Variants in ZHX3 observed in about 807,000 individuals in gnomAD.
ZHX3 encodes zinc fingers and homeoboxes 3, also known as zinc fingers and homeoboxes protein 3.
A neutral mutation model predicts 64.5 loss-of-function variants in ZHX3; 20 were observed. The ratio of observed to expected loss-of-function variants is 0.31; its 90% CI spans 0.22 to 0.45. The LOEUF (loss-of-function observed/expected upper bound fraction) is 0.45. Among genes scored for constraint, ZHX3 ranks in the 20% least tolerant of loss-of-function variants. The probability of loss-of-function intolerance (pLI) is 1.00; values close to 1 mark genes in which losing one functional copy is unlikely to be tolerated. For missense variants in ZHX3, 1,041 were observed against 1,195.8 expected (o/e 0.87, Z 1.91); for synonymous variants, 423 against 461.6 (o/e 0.92, Z 1.07).
chr20:41,288,573 C>T (rs1246411180), intron 1 of ZHX3, among the ~76,000 whole-genome samples: 1 of 152,164 alleles, frequency 6.6e-6, no homozygotes, highest in Non-Finnish European at 1.5e-5. Context: ...ACTGGTGGTG[C>T]ACAGGCAGAA....
At chr20:41,295,529 ACTTT>A (rs903724056) in intron 1 of ZHX3, among the ~76,000 whole-genome samples, 1 of 152,158 alleles carries the variant, frequency 6.6e-6, no homozygotes, top group Non-Finnish European at 1.5e-5. Context: ...AAAAATTTAA[ACTTT>A]CTATTTCACT....
At chr20:41,251,314 A>G (rs1174921430) in intron 2 of ZHX3, among the ~76,000 whole-genome samples, 6 of 152,168 alleles carry the variant, frequency 3.9e-5, no homozygotes, top group Admixed American at 6.5e-5. Flanking sequence ...GGGAAGGTAA[A>G]GGGACCTGAA....
chr20:41,205,460 C>T (rs145457145), intron 2 of ZHX3, among the ~76,000 whole-genome samples: 5 of 150,798 alleles, frequency 3.3e-5, no homozygotes, highest in African/African-American at 4.9e-5. Context: ...GACCAACACG[C>T]GGTTTTCTTT....
chr20:41,264,308 G>A (rs1468781414), intron 2 of ZHX3, among the ~76,000 whole-genome samples: 5 of 148,506 alleles, frequency 3.4e-5, no homozygotes, highest in African/African-American at 7.5e-5. Flanking sequence ...GTGGGAGGCC[G>A]AGGCGGGTGG....
At chr20:41,244,096 A>G (rs1341225836) in intron 2 of ZHX3, among the ~76,000 whole-genome samples, 5 of 152,036 alleles carry the variant, frequency 3.3e-5, no homozygotes, top group African/African-American at 1.2e-4. Flanking sequence ...AACATCCCTG[A>G]CTAGATGCCC....
intron 2 of ZHX3, among the ~76,000 whole-genome samples, chr20:41,237,343 A>G (rs1246255185): frequency 2.6e-5 from 4 of 152,218 alleles, no homozygotes; most frequent in East Asian, 1.9e-4. Flanking sequence ...ATTCACAATA[A>G]CAAAGACTTG....
chr20:41,239,231 G>T (rs973258901), intron 2 of ZHX3, among the ~76,000 whole-genome samples: 1 of 151,100 alleles, frequency 6.6e-6, no homozygotes, highest in East Asian at 1.9e-4. Context: ...GGATGCTCTC[G>T]GTCTCCTGAC....
At chr20:41,313,297 A>G (rs955983062) in intron 1 of ZHX3, among the ~76,000 whole-genome samples, 1 of 152,152 alleles carries the variant, frequency 6.6e-6, no homozygotes, top group Non-Finnish European at 1.5e-5. Flanking sequence ...GGAAGGTGGT[A>G]GCTAAAACTG....
intron 2 of ZHX3, among the ~76,000 whole-genome samples, chr20:41,215,423 C>T (rs945172789): frequency 3.3e-5 from 5 of 151,988 alleles, no homozygotes; most frequent in African/African-American, 9.7e-5. Context: ...CTGCAGTATA[C>T]ATATGTGAGT....
intron 1 of ZHX3, among the ~76,000 whole-genome samples, chr20:41,289,841 T>C (rs562300994): frequency 6.6e-6 from 1 of 151,722 alleles, no homozygotes; most frequent in African/African-American, 2.4e-5. Flanking sequence ...TAGTAGGTGG[T>C]CAATAAAAGA....
chr20:41,300,211 G>C (rs2044750840), intron 1 of ZHX3: 1 of 152,202 alleles, frequency 6.6e-6, no homozygotes, highest in Admixed American at 6.5e-5. Flanking sequence ...TTTGGGATGG[G>C]AGGGTAGGAG....
At chr20:41,208,730 A>G (rs2038926038) in intron 2 of ZHX3, among the ~76,000 whole-genome samples, 1 of 152,196 alleles carries the variant, frequency 6.6e-6, no homozygotes, top group Non-Finnish European at 1.5e-5. Context: ...CCCACAGCCA[A>G]TATCATACTG....
chr20:41,297,211 TA>T (rs2044576774), intron 1 of ZHX3, among the ~76,000 whole-genome samples: 1 of 152,214 alleles, frequency 6.6e-6, no homozygotes, highest in African/African-American at 2.4e-5. Flanking sequence ...CAGGATCTGA[TA>T]ATTCTAAAAT....
chr20:41,193,747 A>C (rs1180381497), intron 3 of ZHX3, among the ~76,000 whole-genome samples: 2 of 148,214 alleles, frequency 1.3e-5, no homozygotes, highest in African/African-American at 5.0e-5. Context: ...TCGCTCTGTC[A>C]CCAGGCTGGA....
At chr20:41,305,601 G>A (rs2044953227) in intron 1 of ZHX3, among the ~76,000 whole-genome samples, 1 of 151,934 alleles carries the variant, frequency 6.6e-6, no homozygotes, top group African/African-American at 2.4e-5. Context: ...TGGCTAACAT[G>A]GTGAAACCCC....
At chr20:41,274,352 T>G (rs923925022) in intron 1 of ZHX3, among the ~76,000 whole-genome samples, 1 of 152,226 alleles carries the variant, frequency 6.6e-6, no homozygotes, top group Non-Finnish European at 1.5e-5. Context: ...CTCTTTTTCA[T>G]GTAGTTCAAA....
intron 2 of ZHX3, among the ~76,000 whole-genome samples, chr20:41,206,194 A>T (rs528501342): frequency 1.8e-4 from 28 of 152,378 alleles, no homozygotes; most frequent in African/African-American, 6.7e-4. Flanking sequence ...AAAGATGGGG[A>T]GAAACCAGAG....
At chr20:41,305,709 G>A (rs6016540) in intron 1 of ZHX3, among the ~76,000 whole-genome samples, 27,136 of 151,248 alleles carry the variant, frequency 0.18, 4,001 homozygotes, top group African/African-American at 0.41. Context: ...GTGTGAACCC[G>A]GGAGGCGGAG....
At chr20:41,194,432 A>G (rs558370708) in intron 3 of ZHX3, among the ~76,000 whole-genome samples, 1 of 152,280 alleles carries the variant, frequency 6.6e-6, no homozygotes, top group Non-Finnish European at 1.5e-5. Flanking sequence ...CCTCTTGCTC[A>G]TGAGGTATAA....
Sources: gnomAD v4.1 joint callset for allele counts (sites outside exome capture counted in the v4.1 genomes callset) on GRCh38, gnomAD v4.1.1 for gene constraint, MANE v1.5 for transcripts, NCBI Gene and HGNC (gene_info 2026-07-23, HGNC 2026-07-21) for gene names.